LINC00305: variants seen among roughly 807,000 people sequenced by gnomAD.
LINC00305 encodes long independently transcribed non-coding RNA 305.
chr18:64,128,448 T>C (rs905551151), intron 1 of LINC00305, among the ~76,000 whole-genome samples: 5 of 152,122 alleles, frequency 3.3e-5, no homozygotes, highest in Non-Finnish European at 7.4e-5. Flanking sequence ...TGCAAGATGT[T>C]ATTTTATTTA....
At chr18:64,099,503 A>G (rs976988328) in intron 1 of LINC00305, among the ~76,000 whole-genome samples, 6 of 152,192 alleles carry the variant, frequency 3.9e-5, no homozygotes, top group African/African-American at 1.4e-4. Flanking sequence ...TGGAAGAGGC[A>G]CCGACAGTGA....
intron 3 of LINC00305, among the ~76,000 whole-genome samples, chr18:64,094,832 G>A (rs1054506096): frequency 2.0e-4 from 25 of 126,960 alleles, no homozygotes; most frequent in East Asian, 1.2e-3. Context: ...CCAGCCTAAG[G>A]GACAGAGCAA....
At chr18:64,135,329 G>A (rs1468103648) in intron 1 of LINC00305, among the ~76,000 whole-genome samples, 1 of 152,122 alleles carries the variant, frequency 6.6e-6, no homozygotes, top group African/African-American at 2.4e-5. Flanking sequence ...TGTGGTTTTG[G>A]GAGGTGGGCA....
chr18:64,135,318 A>G (rs1178533777), intron 1 of LINC00305, among the ~76,000 whole-genome samples: 1 of 152,206 alleles, frequency 6.6e-6, no homozygotes, highest in African/African-American at 2.4e-5. Flanking sequence ...GGACTCCAGC[A>G]TGTGGTTTTG....
intron 3 of LINC00305, among the ~76,000 whole-genome samples, chr18:64,086,121 G>C (rs1290253879): frequency 6.6e-6 from 1 of 152,240 alleles, no homozygotes; most frequent in Non-Finnish European, 1.5e-5. Context: ...AGTGCAGAAA[G>C]TTTGTCTATG....
intron 1 of LINC00305, among the ~76,000 whole-genome samples, chr18:64,126,243 T>C (rs1242653402): frequency 9.2e-5 from 14 of 152,080 alleles, no homozygotes; most frequent in Admixed American, 9.2e-4. Context: ...GTAATTATAC[T>C]AAAACCTTCT....
intron 1 of LINC00305, among the ~76,000 whole-genome samples, chr18:64,123,491 T>TA (rs548743435): frequency 1.7e-3 from 252 of 152,238 alleles, no homozygotes; most frequent in African/African-American, 5.5e-3. Flanking sequence ...AGTCTTTTTT[T>TA]AAAAAAATCA....
intron 3 of LINC00305, among the ~76,000 whole-genome samples, chr18:64,087,940 A>AC (rs2051209770): frequency 1.3e-5 from 2 of 151,946 alleles, no homozygotes; most frequent in Admixed American, 6.5e-5. Context: ...AACTACAAAA[A>AC]AAAACAAAAC....
At chr18:64,119,181 G>A (rs2051351023) in intron 1 of LINC00305, among the ~76,000 whole-genome samples, 1 of 152,108 alleles carries the variant, frequency 6.6e-6, no homozygotes, top group Non-Finnish European at 1.5e-5. Flanking sequence ...GAAAGATGTA[G>A]ACTCCTGCGG....
chr18:64,137,632 G>A (rs1023576510), intron 1 of LINC00305, among the ~76,000 whole-genome samples: 1 of 152,138 alleles, frequency 6.6e-6, no homozygotes, highest in Non-Finnish European at 1.5e-5. Flanking sequence ...AGTTGGGGTT[G>A]GTGAGGAGTG....
At chr18:64,094,754 T>A (rs1452976598) in intron 3 of LINC00305, among the ~76,000 whole-genome samples, 9 of 151,934 alleles carry the variant, frequency 5.9e-5, no homozygotes, top group Admixed American at 5.2e-4. Flanking sequence ...TCCCAGCTAC[T>A]TGGGAGGCTG....
Position 64,124,382 on chromosome 18 carries a change from C to T in LINC00305, n.314+24393G>A, listed in dbSNP as rs148126669. 3.3e-3 allele frequency among the ~76,000 whole-genome samples: 504 copies of T among 152,248 alleles called. 3 individuals are homozygous for T. The highest frequency in any genetic ancestry group is 0.011 in the African/African-American group (476 of 41,546). ...GACTAAAAGATGACTACTCTGTGGT[C>T]CTATAGCACCTGTGTGTGCCTCTGT... On this transcript the variant is annotated intron_variant and non_coding_transcript_variant, in intron 1 of 3. Coordinates refer to ENST00000666468, the Ensembl canonical transcript of LINC00305.
At chr18:64,086,380 C>T (rs1018287151) in intron 3 of LINC00305, among the ~76,000 whole-genome samples, 2 of 151,960 alleles carry the variant, frequency 1.3e-5, no homozygotes, top group Non-Finnish European at 2.9e-5. Flanking sequence ...GGGGACACTA[C>T]AAAGTAACAG....
At chr18:64,143,811 A>G (rs1315914993) in intron 1 of LINC00305, among the ~76,000 whole-genome samples, 1 of 151,696 alleles carries the variant, frequency 6.6e-6, no homozygotes, top group African/African-American at 2.4e-5. Context: ...ATGTATGTAT[A>G]CATATATACA....
At position 64,107,082 on chromosome 18, in the gene LINC00305, G is replaced by C. The variant is rs8095979; in HGVS notation, n.315-8442C>G. The stretch of plus-strand genomic sequence containing the variant: ...TCCTCAATCTCATTTTCTCATCTCT[G>C]CATGGCAGAAAGAGAAGACATTCAA... On this transcript the variant is annotated intron_variant and non_coding_transcript_variant, in intron 1 of 3. Coordinates refer to ENST00000666468, the Ensembl canonical transcript of LINC00305. Among the ~76,000 whole-genome samples the C allele has an allele frequency of 1.5e-3, 230 of 152,276 alleles. 1 individual carries two copies. Among genetic ancestry groups the C allele is most frequent in the African/African-American group, 5.2e-3 (216 of 41,548 alleles).
At chr18:64,137,760 C>T (rs909181214) in intron 1 of LINC00305, among the ~76,000 whole-genome samples, 3 of 151,672 alleles carry the variant, frequency 2.0e-5, no homozygotes, top group Non-Finnish European at 4.4e-5. Context: ...AGTTATACAA[C>T]GTTTAGAGAG....
chr18:64,080,845 T>G (rs1056190230), intron 3 of LINC00305, among the ~76,000 whole-genome samples: 8 of 152,174 alleles, frequency 5.3e-5, no homozygotes, highest in Non-Finnish European at 1.2e-4. Flanking sequence ...TATTGGTAAG[T>G]CTAGAATCAC....
chr18:64,128,990 T>C (rs1230492159), intron 1 of LINC00305, among the ~76,000 whole-genome samples: 1 of 152,172 alleles, frequency 6.6e-6, no homozygotes, highest in Admixed American at 6.6e-5. Context: ...TACTTTTTTA[T>C]TGGTTGCTTT....
chr18:64,143,711 A>C (rs1386988812), intron 1 of LINC00305, among the ~76,000 whole-genome samples: 1 of 151,374 alleles, frequency 6.6e-6, no homozygotes, highest in African/African-American at 2.4e-5. Context: ...ATGTATGTCC[A>C]CATATTATGC....
Sources: gnomAD v4.1 joint callset for allele counts (sites outside exome capture counted in the v4.1 genomes callset) on GRCh38, gnomAD v4.1.1 for gene constraint, MANE v1.5 for transcripts, NCBI Gene and HGNC (gene_info 2026-07-23, HGNC 2026-07-21) for gene names.